Variants in EBF2 observed in about 807,000 individuals in gnomAD.
The protein encoded by EBF2 is transcription factor COE2.
EBF2 carries 21 observed loss-of-function variants against 72.8 expected under a neutral mutation model. The ratio of observed to expected loss-of-function variants is 0.29; its 90% CI spans 0.20 to 0.42. The LOEUF (loss-of-function observed/expected upper bound fraction) is 0.42. Ranked by LOEUF, EBF2 falls within the 10% of genes least tolerant of loss-of-function variation. EBF2 has a pLI of 1.00. For synonymous variants in EBF2, 299 were observed against 274.2 expected, an observed-to-expected ratio of 1.09 and a Z score of -0.89; for missense variants, 637 against 731.2, an observed-to-expected ratio of 0.87 and a Z score of 1.49.
intron 10 of EBF2, among the ~76,000 whole-genome samples, chr8:25,873,040 G>C (rs375923984): frequency 2.0e-5 from 3 of 152,012 alleles, no homozygotes; most frequent in Non-Finnish European, 2.9e-5. Flanking sequence ...TCTCTCCCTC[G>C]TCCTTCCCCT....
intron 5 of EBF2, among the ~76,000 whole-genome samples, chr8:26,034,988 T>G (rs1361464545): frequency 6.6e-6 from 1 of 152,190 alleles, no homozygotes; most frequent in African/African-American, 2.4e-5. Context: ...AAAGTGAAAG[T>G]GTTGGATTTG....
At chr8:25,962,775 T>A (rs963259661) in intron 6 of EBF2, among the ~76,000 whole-genome samples, 1 of 152,226 alleles carries the variant, frequency 6.6e-6, no homozygotes, top group African/African-American at 2.4e-5. Flanking sequence ...TGTGACATGG[T>A]GTCTTACTGG....
At chr8:25,968,679 C>T (rs1463013987) in intron 6 of EBF2, among the ~76,000 whole-genome samples, 1 of 152,236 alleles carries the variant, frequency 6.6e-6, no homozygotes, top group Non-Finnish European at 1.5e-5. Flanking sequence ...TTTCTTGCCT[C>T]AGCCTCCCAG....
intron 6 of EBF2, among the ~76,000 whole-genome samples, chr8:25,978,738 C>A (rs546378136): frequency 6.6e-6 from 1 of 152,272 alleles, no homozygotes; most frequent in South Asian, 2.1e-4. Flanking sequence ...CGCCTTCCTC[C>A]GGCACATGGA....
At chr8:26,041,976 G>A (rs1805608503) in intron 2 of EBF2, 119 bp downstream of exon 2, 1 of 1,437,626 alleles carries the variant, frequency 7.0e-7, no homozygotes, top group South Asian at 1.3e-5. Flanking sequence ...GAGTAGCCTC[G>A]ATTTATCATC....
intron 6 of EBF2, among the ~76,000 whole-genome samples, chr8:25,938,150 A>G (rs559864319): frequency 2.6e-5 from 4 of 152,224 alleles, no homozygotes; most frequent in African/African-American, 4.8e-5. Context: ...CAGTTGATGG[A>G]CAGATGAATT....
intron 6 of EBF2, among the ~76,000 whole-genome samples, chr8:25,916,686 G>A (rs1310486284): frequency 2.6e-5 from 4 of 152,136 alleles, no homozygotes; most frequent in African/African-American, 9.7e-5. Flanking sequence ...ACAGATAGTA[G>A]GGGAGAAAAC....
intron 6 of EBF2, among the ~76,000 whole-genome samples, chr8:25,948,575 G>A (rs76533215): frequency 3.3e-5 from 5 of 152,268 alleles, no homozygotes; most frequent in Non-Finnish European, 4.4e-5. Context: ...AAGGAAATGC[G>A]CTTTGCTGTG....
intron 6 of EBF2, among the ~76,000 whole-genome samples, chr8:25,925,803 G>A (rs1803376641): frequency 6.6e-6 from 1 of 152,094 alleles, no homozygotes; most frequent in Non-Finnish European, 1.5e-5. Context: ...TGGGGCAAAG[G>A]AAAAAGCATT....
At chr8:25,929,485 T>G (rs1230216295) in intron 6 of EBF2, among the ~76,000 whole-genome samples, 1 of 152,212 alleles carries the variant, frequency 6.6e-6, no homozygotes, top group African/African-American at 2.4e-5. Flanking sequence ...CTTACTCTGT[T>G]TTTAAGGCAA....
chr8:25,949,591 T>C (rs1213171521), intron 6 of EBF2, among the ~76,000 whole-genome samples: 1 of 152,110 alleles, frequency 6.6e-6, no homozygotes, highest in Non-Finnish European at 1.5e-5. Flanking sequence ...CCTTTTAAAA[T>C]GCAAGTGTCC....
intron 5 of EBF2, among the ~76,000 whole-genome samples, chr8:26,038,469 A>T (rs1805542369): frequency 6.6e-6 from 1 of 152,210 alleles, no homozygotes; most frequent in Non-Finnish European, 1.5e-5. Context: ...GGGGCATGCA[A>T]GTATTATTTT....
chr8:25,854,308 A>G (rs2117253224), intron 14 of EBF2, among the ~76,000 whole-genome samples: 1 of 151,724 alleles, frequency 6.6e-6, no homozygotes, highest in Admixed American at 6.6e-5. Context: ...ATTGTAGTCA[A>G]CTTTTGAAAG....
intron 6 of EBF2, among the ~76,000 whole-genome samples, chr8:25,935,417 G>T (rs572807635): frequency 1.3e-5 from 2 of 152,304 alleles, no homozygotes; most frequent in East Asian, 3.9e-4. Context: ...CAATAAAGCT[G>T]AACAGATGTC....
At chr8:26,019,997 G>A (rs1805180272) in intron 6 of EBF2, among the ~76,000 whole-genome samples, 1 of 152,104 alleles carries the variant, frequency 6.6e-6, no homozygotes, top group Non-Finnish European at 1.5e-5. Context: ...GATAAGGTGT[G>A]CCCATGTGTA....
chr8:25,899,501 T>C (rs1802914364), intron 7 of EBF2, among the ~76,000 whole-genome samples: 1 of 152,182 alleles, frequency 6.6e-6, no homozygotes, highest in African/African-American at 2.4e-5. Flanking sequence ...CTGTATTAAA[T>C]TTTTACCATT....
chr8:26,022,559 A>G (rs575766881), intron 6 of EBF2, among the ~76,000 whole-genome samples: 21 of 152,296 alleles, frequency 1.4e-4, no homozygotes, highest in African/African-American at 4.8e-4. Flanking sequence ...TTAAGGTACT[A>G]GTCCCAAAGT....
intron 5 of EBF2, among the ~76,000 whole-genome samples, chr8:26,035,567 T>C (rs1805487498): frequency 6.6e-6 from 1 of 152,210 alleles, no homozygotes. Flanking sequence ...CATGGGTGTG[T>C]GGATTCGCAA....
At chr8:25,955,408 G>C (rs1020857749) in intron 6 of EBF2, among the ~76,000 whole-genome samples, 1 of 152,292 alleles carries the variant, frequency 6.6e-6, no homozygotes, top group African/African-American at 2.4e-5. Context: ...AGCTCCAGAG[G>C]TATTTTGTGG....
Sources: allele counts gnomAD v4.1 joint callset (sites outside exome capture counted in the v4.1 genomes callset), GRCh38; gene constraint gnomAD v4.1.1; transcripts MANE v1.5; gene names NCBI Gene and HGNC (gene_info 2026-07-23, HGNC 2026-07-21).